IQCE: variants seen among roughly 807,000 people sequenced by gnomAD.
IQCE encodes the protein IQ domain-containing protein E.
IQCE carries 115 observed loss-of-function variants against 96.0 expected under a neutral mutation model. The observed-to-expected ratio is 1.20, with a 90% confidence interval of 1.03 to 1.40. The LOEUF (loss-of-function observed/expected upper bound fraction) is 1.40, where lower values mean the gene tolerates loss of function less well. Ranked by LOEUF, IQCE falls within the 40% of genes most tolerant of loss-of-function variation. The pLI, the probability that IQCE is intolerant of heterozygous loss-of-function variation, is 0.00. For missense variants in IQCE, 1,041 were observed against 909.1 expected (o/e 1.15, Z -1.87); for synonymous variants, 412 against 371.2 (o/e 1.11, Z -1.26).
chr7:2,577,841 G>A (rs1264355707), intron 6 of IQCE, among the ~76,000 whole-genome samples: 2 of 145,298 alleles, frequency 1.4e-5, no homozygotes, highest in Non-Finnish European at 3.0e-5. Context: ...CGGCGTGCGC[G>A]CATTGGCGTG....
chr7:2,607,814 T>C (rs1474568729), intron 21 of IQCE, among the ~76,000 whole-genome samples: 1 of 152,188 alleles, frequency 6.6e-6, no homozygotes, highest in East Asian at 1.9e-4. Flanking sequence ...ATCCTGCAAT[T>C]AGAAACCCCC....
chr7:2,589,886 A>G (rs1372156362), intron 13 of IQCE, 21 bp from the exon 14 acceptor site: 2 of 1,610,394 alleles, frequency 1.2e-6, no homozygotes, highest in Non-Finnish European at 1.7e-6. Flanking sequence ...AGTATCTAAC[A>G]CATGTCTGTG....
At chr7:2,567,267 C>A in intron 2 of IQCE, 104 bp downstream of exon 2, 3 of 895,600 alleles carry the variant, frequency 3.3e-6, no homozygotes, top group South Asian at 2.8e-5. Flanking sequence ...AATACTGTGT[C>A]GAGAGCTGGA....
intron 18 of IQCE, among the ~76,000 whole-genome samples, chr7:2,602,144 G>A (rs1417128498): frequency 1.3e-5 from 2 of 152,168 alleles, no homozygotes; most frequent in African/African-American, 2.4e-5. Flanking sequence ...AGGTCCCTGC[G>A]AGGGGTGACA....
At chr7:2,565,806 A>C (rs1267725549) in intron 1 of IQCE, among the ~76,000 whole-genome samples, 2 of 152,232 alleles carry the variant, frequency 1.3e-5, no homozygotes, top group Non-Finnish European at 2.9e-5. Context: ...AAAATGATAT[A>C]AAAAATTTCA....
intron 9 of IQCE, 122 bp from the exon 10 acceptor site, chr7:2,583,515 C>A: frequency 2.0e-6 from 1 of 501,988 alleles, no homozygotes; most frequent in Non-Finnish European, 3.3e-6. Flanking sequence ...CAGGCTTTTC[C>A]CTCCCATCCT....
intron 1 of IQCE, 174 bp downstream of exon 1, chr7:2,559,391 C>G: frequency 3.1e-6 from 1 of 326,444 alleles, no homozygotes; most frequent in Non-Finnish European, 5.4e-6. Context: ...CTGCAGGCCC[C>G]GCGCCGCCTG....
At chr7:2,583,968 G>A (rs1168066999) in intron 10 of IQCE, among the ~76,000 whole-genome samples, 42 of 124,034 alleles carry the variant, frequency 3.4e-4, no homozygotes, top group African/African-American at 1.1e-3. Flanking sequence ...GGCGGAGGGC[G>A]GGCACCGTGC....
chr7:2,586,195 T>G lies in IQCE; in HGVS notation c.825-13T>G, dbSNP rs780931746. 2.9e-5 allele frequency: 47 copies of G among 1,609,082 alleles called. No individual in the cohort carries two copies. Among genetic ancestry groups the G allele is most frequent in the Non-Finnish European group, 3.7e-5 (44 of 1,178,264 alleles). ...AGCAATGCAAACCTCAGTCCACGAT[T>G]TGGTTGTTCCAGGCCCCTGGGGGAG... On this transcript the variant is annotated splice_polypyrimidine_tract_variant and intron_variant, in intron 11 of 21. Coordinates refer to ENST00000402050, the MANE Select transcript of IQCE (RefSeq NM_152558.5).
chr7:2,565,027 C>T (rs74738730), intron 1 of IQCE, among the ~76,000 whole-genome samples: 25,913 of 151,994 alleles, frequency 0.17, 2,630 homozygotes, highest in African/African-American at 0.28. Context: ...TAAGTGGCAA[C>T]CTCAGATAGT....
At chr7:2,570,315 TC>T (rs750018024) in intron 3 of IQCE, among the ~76,000 whole-genome samples, 9 of 152,066 alleles carry the variant, frequency 5.9e-5, no homozygotes, top group Non-Finnish European at 8.8e-5. Flanking sequence ...TTTCATGCTT[TC>T]CTGAGGAACC....
rs750214898 is a variant in IQCE at position 2,587,858 on chromosome 7, G to A, written c.1025G>A (p.Arg342His). 9.3e-6 allele frequency: 15 copies of A among 1,613,894 alleles called. No individual in the cohort carries two copies. The highest frequency in any genetic ancestry group is 2.2e-5 in the South Asian group (2 of 91,090). ...VEWSKPRLLR[R>H]IVELEKKLSV... ...TGGAGCAAGCCCCGGCTGCTGAGGC[G>A]CATTGTGGAGCTGGAGAAGGTGAGC... Residue 342 changes from arginine to histidine, a missense_variant, in exon 13 of 22, where the codon CGC becomes CAC. Coordinates refer to ENST00000402050, the MANE Select transcript of IQCE (RefSeq NM_152558.5).
chr7:2,560,522 C>T (rs949343054), intron 1 of IQCE, among the ~76,000 whole-genome samples: 3 of 152,240 alleles, frequency 2.0e-5, no homozygotes, highest in African/African-American at 7.2e-5. Context: ...TTCCCCAGGG[C>T]ACCACGTCCT....
intron 5 of IQCE, chr7:2,572,837 C>G (rs781100316): frequency 4.7e-6 from 2 of 429,142 alleles, no homozygotes; most frequent in Non-Finnish European, 9.2e-6. Context: ...AGCCACCGTG[C>G]CCGGCCTCTC....
intron 8 of IQCE, chr7:2,581,926 A>T (rs1042724910): frequency 3.2e-6 from 1 of 314,358 alleles, no homozygotes; most frequent in East Asian, 1.0e-4. Flanking sequence ...GTTAGCCAGG[A>T]TGGTCTTGAT....
intron 5 of IQCE, chr7:2,572,643 T>C (rs1189444555): frequency 3.3e-5 from 17 of 508,450 alleles, no homozygotes; most frequent in Non-Finnish European, 1.5e-5. Flanking sequence ...TACTAATAAA[T>C]AAATAATGAT....
At chr7:2,584,416 C>T (rs767526114) in intron 11 of IQCE, 131 bp downstream of exon 11, 2 of 843,624 alleles carry the variant, frequency 2.4e-6, no homozygotes, top group Non-Finnish European at 2.1e-6. Flanking sequence ...CAACACTGCA[C>T]CTGTTCTGTT....
At chr7:2,574,150 A>T (rs1781955250) in intron 6 of IQCE, among the ~76,000 whole-genome samples, 1 of 152,188 alleles carries the variant, frequency 6.6e-6, no homozygotes, top group African/African-American at 2.4e-5. Context: ...CAGTATCCGT[A>T]AATGTTTGCC....
intron 14 of IQCE, among the ~76,000 whole-genome samples, chr7:2,591,424 A>G (rs1278696251): frequency 6.6e-6 from 1 of 151,938 alleles, no homozygotes; most frequent in Non-Finnish European, 1.5e-5. Context: ...CGGCTCCTTC[A>G]TGAATCAGCC....
Sources: allele counts gnomAD v4.1 joint callset (sites outside exome capture counted in the v4.1 genomes callset), GRCh38; gene constraint gnomAD v4.1.1; transcripts MANE v1.5; gene names NCBI Gene and HGNC (gene_info 2026-07-23, HGNC 2026-07-21).